The following FRMPD2 variants were observed in gnomAD, a reference collection of about 807,000 sequenced individuals.
The protein encoded by FRMPD2 is FERM and PDZ domain-containing protein 2.
In FRMPD2, 96 loss-of-function variants were observed where a neutral mutation model predicts 140.1. The observed-to-expected ratio is 0.69, with a 90% CI of 0.58 to 0.81. The LOEUF (loss-of-function observed/expected upper bound fraction) is 0.81, where lower values mean the gene tolerates loss of function less well. FRMPD2 is among the 40% of genes least tolerant of loss of function. The probability of loss-of-function intolerance (pLI) is 0.00; values close to 1 mark genes in which losing one functional copy is unlikely to be tolerated. For synonymous variants in FRMPD2, 449 were observed against 547.6 expected, an observed-to-expected ratio of 0.82 and a Z score of 2.52; for missense variants, 1,240 against 1,447.4, an observed-to-expected ratio of 0.86 and a Z score of 2.32.
At chr10:48,240,050 G>T (rs1329952206) in intron 6 of FRMPD2, among the ~76,000 whole-genome samples, 10 of 150,888 alleles carry the variant, frequency 6.6e-5, no homozygotes, top group Admixed American at 6.6e-4. Context: ...AACAATAACT[G>T]AAAAAAAAAT....
chr10:48,222,024 A>ATG (rs1394375578), intron 12 of FRMPD2, among the ~76,000 whole-genome samples: 4 of 80,134 alleles, frequency 5.0e-5, no homozygotes, highest in Middle Eastern at 0.011. Context: ...ATGGATGGAT[A>ATG]GATGGATGGA....
intron 9 of FRMPD2, 121 bp from the exon 10 acceptor site, chr10:48,232,410 A>G: frequency 1.4e-6 from 1 of 699,426 alleles, no homozygotes. Flanking sequence ...ACTCTAAAAG[A>G]TAAGTATATT....
intron 22 of FRMPD2, chr10:48,177,671 C>CA (rs1426589636): frequency 5.2e-6 from 1 of 193,522 alleles, no homozygotes; most frequent in Non-Finnish European, 1.1e-5. Context: ...TGGACTGCCC[C>CA]ACCCATCCTT....
chr10:48,177,237 AG>A (rs1838433583), intron 22 of FRMPD2: 1 of 151,236 alleles, frequency 6.6e-6, no homozygotes, highest in Admixed American at 6.6e-5. Flanking sequence ...CCTCCCGAGT[AG>A]CTGGGACTAC....
intron 24 of FRMPD2, among the ~76,000 whole-genome samples, chr10:48,173,970 G>A (rs1838334722): frequency 6.6e-6 from 1 of 152,226 alleles, no homozygotes; most frequent in Admixed American, 6.5e-5. Flanking sequence ...GCTGCCAGGA[G>A]GCCAGCCAAG....
At chr10:48,233,011 G>A (rs953567296) in intron 9 of FRMPD2, among the ~76,000 whole-genome samples, 2 of 152,252 alleles carry the variant, frequency 1.3e-5, no homozygotes, top group Middle Eastern at 3.4e-3. Context: ...CTCCCCATGT[G>A]GCAAACTCTT....
In FRMPD2 at chr10:48,274,595, C is replaced by A. The variant is rs1414839202; in HGVS notation, c.-28G>T. On this transcript the variant is annotated 5_prime_UTR_variant, in exon 1 of 29. Coordinates refer to ENST00000374201, the MANE Select transcript of FRMPD2 (RefSeq NM_001018071.4). ...AAAAGTCTCCGTGACCAGGTCTAGGCCTTCATCATGGGACAACTTTCCAAC... is the reference window on the plus strand; with the variant it reads ...AAAAGTCTCCGTGACCAGGTCTAGGACTTCATCATGGGACAACTTTCCAAC... The A allele has an allele frequency of 2.5e-6, 4 of 1,612,446 alleles. No homozygotes were observed. The highest frequency in any genetic ancestry group is 2.7e-5 in the African/African-American group (2 of 74,878).
chr10:48,240,605 C>T (rs765931623), intron 5 of FRMPD2, 113 bp from the exon 6 acceptor site: 19 of 1,426,004 alleles, frequency 1.3e-5, no homozygotes, highest in Admixed American at 5.5e-5. Context: ...CTGCCCTATA[C>T]GGTGACCTAA....
chr10:48,259,281 A>T (rs1403871949), intron 1 of FRMPD2, among the ~76,000 whole-genome samples: 1 of 152,186 alleles, frequency 6.6e-6, no homozygotes, highest in East Asian at 1.9e-4. Context: ...TAAAAAGGCA[A>T]AAACGATCCC....
intron 21 of FRMPD2, chr10:48,178,955 T>A (rs1362229515): frequency 2.0e-5 from 3 of 152,086 alleles, no homozygotes; most frequent in Non-Finnish European, 4.4e-5. Context: ...AAGGGGTTGA[T>A]AATAGGAATG....
chr10:48,184,716 G>C, intron 19 of FRMPD2, 34 bp from the exon 20 acceptor site: 1 of 1,592,174 alleles, frequency 6.3e-7, no homozygotes, highest in East Asian at 2.2e-5. Flanking sequence ...AATCCTTCAA[G>C]GAAATAAAAA....
Position 48,245,689 on chromosome 10 carries a change from C to T in FRMPD2, c.310-840G>A, listed in dbSNP as rs181104204. On this transcript the variant is annotated intron_variant, in intron 3 of 28. Transcript: ENST00000374201. ...TTTAGTCCTCACTGCAATCCTGTGACGTAGGTACTTTAATTGTCCCCACTT... is the reference window on the plus strand; with the variant it reads ...TTTAGTCCTCACTGCAATCCTGTGATGTAGGTACTTTAATTGTCCCCACTT... Among the ~76,000 whole-genome samples the T allele has an allele frequency of 2.9e-3, 440 of 152,296 alleles. 1 individual carries two copies. Among genetic ancestry groups the T allele is most frequent in the Non-Finnish European group, 5.1e-3 (345 of 68,026 alleles).
chr10:48,251,316 C>T (rs532623036), intron 2 of FRMPD2, among the ~76,000 whole-genome samples: 1 of 152,370 alleles, frequency 6.6e-6, no homozygotes, highest in East Asian at 1.9e-4. Context: ...AGAAGCAAAG[C>T]CTTTCTTTTG....
At chr10:48,164,015 A>C (rs1187805076) in intron 27 of FRMPD2, among the ~76,000 whole-genome samples, 1 of 151,158 alleles carries the variant, frequency 6.6e-6, no homozygotes, top group Non-Finnish European at 1.5e-5. Context: ...TAAGTTTTTC[A>C]TCTTCATCTG....
At chr10:48,170,506 T>A (rs1253436554) in intron 26 of FRMPD2, among the ~76,000 whole-genome samples, 1 of 151,998 alleles carries the variant, frequency 6.6e-6, no homozygotes, top group African/African-American at 2.4e-5. Context: ...TATTAAATGT[T>A]CCTCAAATGA....
chr10:48,266,736 T>C (rs1202776424), intron 1 of FRMPD2, among the ~76,000 whole-genome samples: 1 of 152,252 alleles, frequency 6.6e-6, no homozygotes, highest in Non-Finnish European at 1.5e-5. Context: ...TCCCACCTAG[T>C]GGTGACTTGC....
chr10:48,200,377 A>G (rs1234223239), intron 15 of FRMPD2, among the ~76,000 whole-genome samples: 1 of 152,142 alleles, frequency 6.6e-6, no homozygotes, highest in Non-Finnish European at 1.5e-5. Context: ...ACTGCACCGC[A>G]TCAACCAATC....
chr10:48,258,659 T>C (rs941265725), intron 1 of FRMPD2, among the ~76,000 whole-genome samples: 19 of 151,578 alleles, frequency 1.3e-4, no homozygotes, highest in African/African-American at 3.9e-4. Context: ...TACAGAGAAA[T>C]ATTTTTCGGC....
chr10:48,227,357 C>T (rs138998815), intron 10 of FRMPD2, among the ~76,000 whole-genome samples: 94 of 152,274 alleles, frequency 6.2e-4, no homozygotes, highest in African/African-American at 1.9e-3. Flanking sequence ...TCTCTGGTCT[C>T]CACCAGCTGG....
Sources: allele counts gnomAD v4.1 joint callset (sites outside exome capture counted in the v4.1 genomes callset), GRCh38; gene constraint gnomAD v4.1.1; transcripts MANE v1.5; gene names NCBI Gene and HGNC (gene_info 2026-07-23, HGNC 2026-07-21).